The following DCST1 variants were observed in gnomAD, a reference collection of about 807,000 sequenced individuals.
The protein encoded by DCST1 is E3 ubiquitin-protein ligase DCST1.
In DCST1, 78 loss-of-function variants were observed where a neutral mutation model predicts 89.1. That is an observed-to-expected ratio of 0.88 (90% CI 0.73 to 1.06). The LOEUF (loss-of-function observed/expected upper bound fraction) is 1.06. DCST1 is among the 50% of genes least tolerant of loss of function. The probability of loss-of-function intolerance (pLI) is 0.00; values close to 1 mark genes in which losing one functional copy is unlikely to be tolerated. For missense variants in DCST1, 900 were observed against 928.6 expected (o/e 0.97, Z 0.40); for synonymous variants, 364 against 371.9 (o/e 0.98, Z 0.24).
chr1:155,045,996 A>C lies in DCST1; in HGVS notation c.1272+4A>C. On this transcript the variant is annotated splice_donor_region_variant and intron_variant, in intron 11 of 16. Coordinates refer to ENST00000295542, the MANE Select transcript of DCST1 (RefSeq NM_152494.4). ...CGATGACCGCAGGAAGAAGCTGGTG[A>C]GTGGGCACGGCACTGCCCGGGGATG... 6.2e-7 allele frequency: 1 copy of C among 1,614,146 alleles called. No individual in the cohort carries two copies.
chr1:155,043,913 A>C (rs76977753), intron 10 of DCST1, among the ~76,000 whole-genome samples: 5,812 of 152,162 alleles, frequency 0.038, 182 homozygotes, highest in Non-Finnish European at 0.063. Flanking sequence ...CCCTCCATTT[A>C]GAACAAAGTC....
chr1:155,049,518 G>A (rs553997987), intron 16 of DCST1, among the ~76,000 whole-genome samples: 4 of 151,832 alleles, frequency 2.6e-5, no homozygotes, highest in Non-Finnish European at 4.4e-5. Context: ...CAGTTCAAGC[G>A]ATTCTCGTGC....
chr1:155,039,517 C>T lies in DCST1; in HGVS notation c.377C>T (p.Ala126Val), dbSNP rs753500733. ...GRLFVLGYAL[A>V]AIYVGPVANL... ...CTCTTTGTCCTGGGATACGCCTTGG[C>T]TGCCATCTATGTGGGTGAGTATGTG... Residue 126 changes from alanine (A) to valine (V), a missense_variant, in exon 5 of 17, where the codon GCT becomes GTT. Transcript: ENST00000295542. The T allele has an allele frequency of 1.1e-5, 18 of 1,599,470 alleles. No individual in the cohort carries two copies. The highest frequency in any genetic ancestry group is 1.5e-5 in the Non-Finnish European group (18 of 1,172,484).
At chr1:155,038,018 A>G (rs1267848404) in intron 4 of DCST1, among the ~76,000 whole-genome samples, 1 of 152,244 alleles carries the variant, frequency 6.6e-6, no homozygotes, top group African/African-American at 2.4e-5. Flanking sequence ...GCCCTTGCAA[A>G]AAACCCAAGT....
rs764068959 is a variant in DCST1 at position 155,043,421 on chromosome 1, T to A, written c.1084T>A (p.Tyr362Asn). ...WERVSTEVRDYVYRQEARLEW... is the reference protein window; with the variant it reads ...WERVSTEVRDNVYRQEARLEW... Reference sequence around the variant, plus strand: ...GCGCGTGAGCACCGAGGTGCGGGACTACGTGTACCGCCAGGAGGCCCGGCT... The same window carrying A: ...GCGCGTGAGCACCGAGGTGCGGGACAACGTGTACCGCCAGGAGGCCCGGCT... The change falls in exon 10 of 17, where the codon TAC (tyrosine) becomes AAC (asparagine). Residue 362 changes from tyrosine (Y) to asparagine (N), a missense_variant. Tyr to Asn is a moderately radical substitution (Grantham distance 143). Coordinates refer to ENST00000295542, the MANE Select transcript of DCST1 (RefSeq NM_152494.4). 6.2e-7 allele frequency: 1 copy of A among 1,611,488 alleles called. No homozygotes were observed. Among genetic ancestry groups the A allele is most frequent in the Non-Finnish European group, 8.5e-7 (1 of 1,178,324 alleles).
chr1:155,050,011 C>T (rs914454914), intron 16 of DCST1, among the ~76,000 whole-genome samples: 2 of 152,164 alleles, frequency 1.3e-5, no homozygotes, highest in Non-Finnish European at 1.5e-5. Context: ...TAGAAAGGGA[C>T]CAGGTGAGGG....
intron 4 of DCST1, among the ~76,000 whole-genome samples, chr1:155,037,322 T>C (rs893790218): frequency 6.6e-6 from 1 of 152,074 alleles, no homozygotes; most frequent in African/African-American, 2.4e-5. Context: ...TGAAGCCTCT[T>C]GGACTCCTGG....
chr1:155,046,600 CTTTTTTT>C (rs71077975), intron 13 of DCST1, 114 bp downstream of exon 13: 3 of 534,536 alleles, frequency 5.6e-6, no homozygotes, highest in Middle Eastern at 7.2e-4. Flanking sequence ...CCTTCTGCCT[CTTTTTTT>C]TTTTTTTTTT....
intron 4 of DCST1, 25 bp downstream of exon 4, chr1:155,034,752 A>G: frequency 6.2e-7 from 1 of 1,613,592 alleles, no homozygotes; most frequent in East Asian, 2.2e-5. Flanking sequence ...AAAGCCAGGA[A>G]CACTCAAGCG....
rs1160273350 is a variant in DCST1 at position 155,034,737 on chromosome 1, G to C, written c.262+10G>C. 1 of 1,614,034 alleles carries C rather than the reference G, an allele frequency of 6.2e-7. No individual in the cohort carries two copies. Among genetic ancestry groups the C allele is most frequent in the East Asian group, 2.2e-5 (1 of 44,884 alleles). ...TTGTACAGCTTGGTGGGTTAGTGCT[G>C]GGCAAAAGCCAGGAACACTCAAGCG... On this transcript the variant is annotated intron_variant, in intron 4 of 16. Transcript: ENST00000295542.
intron 13 of DCST1, 33 bp from the exon 14 acceptor site, chr1:155,047,163 C>T (rs763780010): frequency 1.9e-5 from 30 of 1,562,788 alleles, no homozygotes; most frequent in Admixed American, 3.3e-5. Flanking sequence ...TCTCCACCTG[C>T]CCTGACTTCC....
At chr1:155,038,628 C>T (rs1275593566) in intron 4 of DCST1, among the ~76,000 whole-genome samples, 1 of 152,186 alleles carries the variant, frequency 6.6e-6, no homozygotes, top group African/African-American at 2.4e-5. Flanking sequence ...TTCCTTTGGC[C>T]TGGAATGCCA....
intron 4 of DCST1, chr1:155,034,960 C>A: frequency 1.8e-6 from 1 of 568,748 alleles, no homozygotes; most frequent in South Asian, 2.0e-5. Flanking sequence ...CTCCCCATCA[C>A]CCACATGATA....
intron 13 of DCST1, 151 bp from the exon 14 acceptor site, chr1:155,047,045 C>A (rs1660665669): frequency 1.4e-6 from 1 of 725,418 alleles, no homozygotes; most frequent in Non-Finnish European, 2.5e-6. Flanking sequence ...CAACTGGGAG[C>A]AGGGAGGGGT....
intron 16 of DCST1, chr1:155,049,201 T>C (rs1660766486): frequency 3.2e-6 from 2 of 619,538 alleles, no homozygotes; most frequent in South Asian, 3.9e-5. Context: ...GCCTGGGCTT[T>C]TGCCTTCCAT....
At chr1:155,045,321 A>C (rs1660582303) in intron 10 of DCST1, 1 of 156,452 alleles carries the variant, frequency 6.4e-6, no homozygotes, top group Non-Finnish European at 1.4e-5. Context: ...ATAGCTATAT[A>C]TGCAGGCATG....
rs145114601 is a variant in DCST1, at chr1:155,050,899, C to G, written c.*31C>G. The G allele has an allele frequency of 2.2e-4, 345 of 1,598,454 alleles. No individual in the cohort carries two copies. The African/African-American group carries it at 2.2e-3, about 10-fold the overall frequency. On this transcript the variant is annotated 3_prime_UTR_variant, in exon 17 of 17. Transcript: ENST00000295542. Reference sequence around the variant, plus strand: ...CGTCCTGCTCGCTCTTCCGCACCGTCCTTCCCGGTTAATAAAATGCCCTGT... The same window carrying G: ...CGTCCTGCTCGCTCTTCCGCACCGTGCTTCCCGGTTAATAAAATGCCCTGT...
At position 155,034,148 on chromosome 1, in the gene DCST1, A is replaced by G. The variant is rs532048912; in HGVS notation, c.61+51A>G. On this transcript the variant is annotated intron_variant, in intron 2 of 16. Transcript: ENST00000295542. ...ATCCCTTGACCTCCACTCTCATCCC[A>G]TCTCTCCTCCTGGAACTCCTGCACA... The G allele has an allele frequency of 5.6e-6, 9 of 1,607,538 alleles. No homozygotes were observed. In the African/African-American group the frequency reaches 8.0e-5, roughly 14 times the overall value.
rs1257940137 is a variant in DCST1 at position 155,042,819 on chromosome 1, G to A, written c.977G>A (p.Gly326Asp). ...TYDSLNQSIR[G>D]LDGEFSANID... ...GACTCCCTCAACCAGTCTATTCGTG[G>A]CCTGGATGGGGAATTTTCAGCCAAT... Residue 326 changes from glycine (G) to aspartate (D), a missense_variant, in exon 9 of 17, where the codon GGC becomes GAC. Gly to Asp is a moderately conservative substitution (Grantham distance 94). Transcript: ENST00000295542. The A allele has an allele frequency of 3.1e-6, 5 of 1,614,074 alleles. No homozygotes were observed. Among genetic ancestry groups the A allele is most frequent in the Non-Finnish European group, 4.2e-6 (5 of 1,180,040 alleles).
Sources: allele counts gnomAD v4.1 joint callset (sites outside exome capture counted in the v4.1 genomes callset), GRCh38; gene constraint gnomAD v4.1.1; transcripts MANE v1.5; gene names NCBI Gene and HGNC (gene_info 2026-07-23, HGNC 2026-07-21).